The following DMD variants were observed in gnomAD, a reference collection of about 807,000 sequenced individuals.
DMD encodes mutant dystrophin.
DMD carries 63 observed loss-of-function variants against 330.1 expected under a neutral mutation model. That is an observed-to-expected ratio of 0.19 (90% confidence interval 0.16 to 0.24). The LOEUF is 0.24. DMD is among the 10% of genes least tolerant of loss of function. The probability of loss-of-function intolerance (pLI) is 1.00; values close to 1 mark genes in which losing one functional copy is unlikely to be tolerated. For synonymous variants in DMD, 1,223 were observed against 959.8 expected, an observed-to-expected ratio of 1.27 and a Z score of -5.07; for missense variants, 3,344 against 2,684.1, an observed-to-expected ratio of 1.25 and a Z score of -5.43.
intron 2 of DMD, among the ~76,000 whole-genome samples, chrX:32,914,403 G>A (rs2087593383): frequency 1.8e-5 from 2 of 112,309 alleles, no homozygotes; most frequent in Admixed American, 1.9e-4. Context: ...GGATTCAGGA[G>A]GGACCAGCAC....
chrX:33,252,287 G>A (rs1412766120), intron 1 of DMD, among the ~76,000 whole-genome samples: 2 of 111,301 alleles, frequency 1.8e-5, no homozygotes, highest in East Asian at 5.7e-4. Context: ...ACCAGAGAGA[G>A]ATACTGACAG....
chrX:31,797,873 T>C (rs2091898141), intron 50 of DMD, among the ~76,000 whole-genome samples: 1 of 111,787 alleles, frequency 8.9e-6, no homozygotes, highest in Non-Finnish European at 1.9e-5. Flanking sequence ...GTGGTAAGAA[T>C]TGGAAGTGAC....
chrX:32,731,672 G>C (rs2067680160), intron 7 of DMD, among the ~76,000 whole-genome samples: 1 of 111,483 alleles, frequency 9.0e-6, no homozygotes, highest in African/African-American at 3.3e-5. Context: ...CACACGGCAG[G>C]GTACTCCAAC....
chrX:31,604,193 G>A (rs2077501059), intron 55 of DMD, among the ~76,000 whole-genome samples: 1 of 112,135 alleles, frequency 8.9e-6, no homozygotes, highest in Non-Finnish European at 1.9e-5. Context: ...GAGGAATATA[G>A]GAGACCAAGT....
At chrX:32,689,269 T>C (rs1428076276) in intron 9 of DMD, among the ~76,000 whole-genome samples, 1 of 110,597 alleles carries the variant, frequency 9.0e-6, no homozygotes, top group Non-Finnish European at 1.9e-5. Flanking sequence ...TTAATCTTCA[T>C]AAAGAGACCA....
chrX:32,101,386 C>A (rs772199489), intron 44 of DMD, among the ~76,000 whole-genome samples: 136 of 111,261 alleles, frequency 1.2e-3, no homozygotes, highest in African/African-American at 4.4e-3. Context: ...AAACCTCACA[C>A]AGGGAAAAGT....
intron 45 of DMD, among the ~76,000 whole-genome samples, chrX:31,958,122 A>ATTTTTTT (rs2095265720): frequency 7.2e-5 from 6 of 83,509 alleles, no homozygotes; most frequent in African/African-American, 2.2e-4. Flanking sequence ...TTTTTTTTTA[A>ATTTTTTT]AAATGGTACA....
At chrX:32,072,113 A>G (rs1195573088) in intron 44 of DMD, among the ~76,000 whole-genome samples, 3 of 111,822 alleles carry the variant, frequency 2.7e-5, no homozygotes, top group Non-Finnish European at 5.6e-5. Flanking sequence ...ATTATTAAAT[A>G]TAGTTTATGA....
chrX:32,412,213 A>G, intron 29 of DMD: 2 of 1,053,099 alleles, frequency 1.9e-6, no homozygotes, highest in Non-Finnish European at 2.5e-6. Flanking sequence ...CAGTCATTGC[A>G]ATCTGTCTTT....
At chrX:31,315,632 G>A (rs935129843) in intron 62 of DMD, among the ~76,000 whole-genome samples, 10 of 112,163 alleles carry the variant, frequency 8.9e-5, no homozygotes, top group African/African-American at 2.9e-4. Context: ...AAAGTGCCAC[G>A]AATGAGGCAG....
intron 7 of DMD, among the ~76,000 whole-genome samples, chrX:32,715,667 G>A (rs1354592674): frequency 9.2e-6 from 1 of 108,588 alleles, no homozygotes; most frequent in East Asian, 2.9e-4. Context: ...GGGTGTGGTG[G>A]TGGGCGCCTG....
intron 67 of DMD, among the ~76,000 whole-genome samples, chrX:31,201,031 G>A (rs184201945): frequency 2.7e-5 from 3 of 111,434 alleles, no homozygotes; most frequent in Non-Finnish European, 3.8e-5. Flanking sequence ...CAGTCTCATA[G>A]AAAACATTTC....
intron 52 of DMD, among the ~76,000 whole-genome samples, chrX:31,713,927 G>T (rs2084832627): frequency 9.0e-6 from 1 of 111,450 alleles, no homozygotes; most frequent in Non-Finnish European, 1.9e-5. Context: ...ATAAAAATTA[G>T]GGCAAGTTGC....
upstream of DMD, among the ~76,000 whole-genome samples, chrX:33,215,896 C>T (rs780743455): frequency 1.3e-4 from 15 of 111,641 alleles, no homozygotes; most frequent in South Asian, 5.7e-3. Flanking sequence ...TGTTTTTGTA[C>T]CAGTACCATG....
intron 7 of DMD, among the ~76,000 whole-genome samples, chrX:32,734,086 C>A (rs2068085512): frequency 9.4e-6 from 1 of 106,904 alleles, no homozygotes; most frequent in Non-Finnish European, 1.9e-5. Flanking sequence ...GGGGATATCA[C>A]CACTGATCCC....
intron 60 of DMD, among the ~76,000 whole-genome samples, chrX:31,411,552 G>A (rs1482164998): frequency 3.6e-5 from 4 of 111,894 alleles, no homozygotes; most frequent in Admixed American, 2.8e-4. Context: ...AAAAGGAAAT[G>A]AATTTCCAAA....
chrX:32,712,010 A>G (rs1006503441), intron 7 of DMD, among the ~76,000 whole-genome samples: 3 of 112,162 alleles, frequency 2.7e-5, no homozygotes, highest in African/African-American at 9.7e-5. Context: ...AAGTGCAAGT[A>G]AGGCATTTAG....
chrX:32,215,809 A>G (rs937147131), intron 44 of DMD, among the ~76,000 whole-genome samples: 8 of 111,914 alleles, frequency 7.1e-5, no homozygotes, highest in Non-Finnish European at 1.5e-4. Flanking sequence ...TTGGGAATCC[A>G]TACATTTCCT....
intron 2 of DMD, among the ~76,000 whole-genome samples, chrX:32,865,791 G>A (rs1325123903): frequency 4.4e-5 from 5 of 112,576 alleles, no homozygotes; most frequent in African/African-American, 1.6e-4. Context: ...TTATTTGCAT[G>A]CAAAAATATT....
Sources: gnomAD v4.1 joint callset for allele counts (sites outside exome capture counted in the v4.1 genomes callset) on GRCh38, gnomAD v4.1.1 for gene constraint, MANE v1.5 for transcripts, NCBI Gene and HGNC (gene_info 2026-07-23, HGNC 2026-07-21) for gene names.